Variants in OGA observed in about 807,000 individuals in gnomAD.
The protein encoded by OGA is O-GlcNAcase.
Under a neutral mutation model 102.0 loss-of-function variants are expected in OGA, and 21 were observed. The observed-to-expected ratio is 0.21, with a 90% CI of 0.15 to 0.30. OGA has a LOEUF of 0.30. OGA is among the 10% of genes least tolerant of loss of function. The pLI is 1.00. For synonymous variants in OGA, 408 were observed against 378.2 expected (o/e 1.08, Z -0.91); for missense variants, 765 against 1,107.8 (o/e 0.69, Z 4.39).
rs2065430374 is a variant in OGA at position 101,803,745 on chromosome 10, A to G, written c.1026T>C (p.Asp342=). The G allele has an allele frequency of 6.2e-7, 1 of 1,614,028 alleles. No individual in the cohort carries two copies. The highest frequency in any genetic ancestry group is 8.5e-7 in the Non-Finnish European group (1 of 1,179,868). ...YKSNMNGVRK[D]VVMTDSEDST... ...GTACAGGCTACTTACTCATCACTAC[A>G]TCTTTTCTCACTCCATTCATGTTTG... Residue 342 remains aspartate, a synonymous_variant, in exon 7 of 16, where the codon GAT becomes GAC. Transcript: ENST00000361464.
At chr10:101,793,018 AT>A in intron 11 of OGA, 75 bp from the exon 12 acceptor site, 1 of 1,148,274 alleles carries the variant, frequency 8.7e-7, no homozygotes, top group African/African-American at 1.5e-5. Context: ...TGCACTGCAG[AT>A]TACCAACTTA....
At position 101,791,331 on chromosome 10, in the gene OGA, A is replaced by G. The variant is rs371392665; in HGVS notation, c.2261+23T>C. ...GCCTCACTATGAAAGGTCTACTCTC[A>G]AATCCAAATACTTATCACATACTTG... On this transcript the variant is annotated intron_variant, in intron 13 of 15. Coordinates refer to ENST00000361464, the MANE Select transcript of OGA (RefSeq NM_012215.5). The G allele has an allele frequency of 3.8e-6, 6 of 1,588,764 alleles. No homozygotes were observed. The African/African-American group carries it at 8.1e-5, about 21-fold the overall frequency.
At chr10:101,795,986 AAAC>A (rs1240208471) in intron 10 of OGA, 1 of 671,284 alleles carries the variant, frequency 1.5e-6, no homozygotes, top group Non-Finnish European at 1.8e-6. Context: ...GAAGAGAAAG[AAAC>A]AATACTGTGT....
In OGA at chr10:101,786,439, T is replaced by C. The variant is rs1430114707; in HGVS notation, c.*12A>G. On this transcript the variant is annotated 3_prime_UTR_variant, in exon 16 of 16. Transcript: ENST00000361464. ...TAAGAGACTTTTGGACAGTTCACAG[T>C]GTCAACAAATGTCACAGGCTCCGAC... The C allele has an allele frequency of 1.3e-6, 2 of 1,599,554 alleles. No homozygotes were observed. Among genetic ancestry groups the C allele is most frequent in the Non-Finnish European group, 1.7e-6 (2 of 1,174,418 alleles).
In OGA at chr10:101,786,208, TAACAC is replaced by T; in HGVS notation, c.*238_*242del. 2.9e-6 allele frequency: 1 copy of T among 346,128 alleles called. No homozygotes were observed. Among genetic ancestry groups the T allele is most frequent in the Non-Finnish European group, 5.1e-6 (1 of 194,282 alleles). The allele number at this position is 346,128 out of a possible 1,614,324, so 21.4% of individuals were successfully genotyped here. A position where few individuals can be genotyped will look rare whatever the true frequency, so the allele number is the denominator to read the frequency against. The stretch of plus-strand genomic sequence containing the variant: ...AGCCCATGTAAAAGGTCTCAGCACC[TAACAC>T]AAGACTCAAAAAGGAAGCCCACATC... On this transcript the variant is annotated 3_prime_UTR_variant, in exon 16 of 16. Coordinates refer to ENST00000361464, the MANE Select transcript of OGA (RefSeq NM_012215.5).
chr10:101,798,693 C>T (rs775973326), intron 9 of OGA, 149 bp downstream of exon 9: 4 of 1,023,326 alleles, frequency 3.9e-6, no homozygotes, highest in Non-Finnish European at 5.5e-6. Flanking sequence ...GGACTACAGG[C>T]ATGAGCCATC....
chr10:101,796,127 AGTTTAAATCCCT>A (rs962172948), intron 10 of OGA, among the ~76,000 whole-genome samples: 10 of 152,236 alleles, frequency 6.6e-5, no homozygotes, highest in Non-Finnish European at 1.5e-5. Context: ...TAGAAACTTA[AGTTTAAATCCCT>A]ATAAGAATGA....
At position 101,799,118 on chromosome 10, in the gene OGA, G is replaced by C; in HGVS notation, c.1533C>G (p.Ser511=). 6.2e-7 allele frequency: 1 copy of C among 1,614,158 alleles called. No individual in the cohort carries two copies. The highest frequency in any genetic ancestry group is 8.5e-7 in the Non-Finnish European group (1 of 1,180,026). Residue 511 remains serine, a synonymous_variant, in exon 9 of 16, where the codon TCC becomes TCG. Coordinates refer to ENST00000361464, the MANE Select transcript of OGA (RefSeq NM_012215.5). ...AATCTTCTTGCATGGACATCTCTGG[G>C]GATTTTGATTCAGCTATGCTCTCTT... The part of the protein sequence containing the change: ...TDKESIAESK[S]PEMSMQEDCI...
chr10:101,787,014 T>C (rs1011205079), intron 15 of OGA, among the ~76,000 whole-genome samples: 8 of 150,990 alleles, frequency 5.3e-5, no homozygotes, highest in Non-Finnish European at 7.4e-5. Context: ...CCCAAAGTGC[T>C]GCGTGAGCCA....
Position 101,813,952 on chromosome 10 carries a change from A to T in OGA, c.200-346T>A, listed in dbSNP as rs534533220. Reference sequence around the variant, plus strand: ...CAATTTTTTAAGAGATCTCAATCTTATAATGGGGAACGGCAGCAATGTAAT... The same window carrying T: ...CAATTTTTTAAGAGATCTCAATCTTTTAATGGGGAACGGCAGCAATGTAAT... On this transcript the variant is annotated intron_variant, in intron 1 of 15. Coordinates refer to ENST00000361464, the MANE Select transcript of OGA (RefSeq NM_012215.5). 1.1e-3 allele frequency among the ~76,000 whole-genome samples: 172 copies of T among 152,328 alleles called. 1 individual carries two copies. Among genetic ancestry groups the T allele is most frequent in the South Asian group, 6.2e-4 (3 of 4,828 alleles).
At chr10:101,813,408 A>G in intron 2 of OGA, 147 bp downstream of exon 2, 1 of 599,214 alleles carries the variant, frequency 1.7e-6, no homozygotes, top group Non-Finnish European at 2.9e-6. Context: ...GCCTAGGTGA[A>G]GAAAAAAGGG....
At chr10:101,812,385 G>T (rs2065570253) in intron 3 of OGA, among the ~76,000 whole-genome samples, 1 of 151,992 alleles carries the variant, frequency 6.6e-6, no homozygotes, top group Non-Finnish European at 1.5e-5. Flanking sequence ...TCCAGCCTGG[G>T]GGACAGAGCA....
In OGA at chr10:101,799,169, C is replaced by T; in HGVS notation, c.1482G>A (p.Glu494=). 6.2e-7 allele frequency: 1 copy of T among 1,614,164 alleles called. No homozygotes were observed. Among genetic ancestry groups the T allele is most frequent in the Non-Finnish European group, 8.5e-7 (1 of 1,180,016 alleles). Residue 494 remains glutamate, a synonymous_variant, in exon 9 of 16, where the codon GAG becomes GAA. Transcript: ENST00000361464. ...TATCAGTGTCCATTGGTTTCAATTC[C>T]TCTGCCATTTTCGCTTCAACAATTT... ...LSEIVEAKMA[E]ELKPMDTDKE...
chr10:101,805,604 G>A (rs2065458970), intron 6 of OGA, among the ~76,000 whole-genome samples: 1 of 146,070 alleles, frequency 6.8e-6, no homozygotes, highest in African/African-American at 2.5e-5. Context: ...GCAGGGAGCT[G>A]AGATTGTGCC....
chr10:101,798,290 C>T (rs2065342702), intron 9 of OGA, 136 bp from the exon 10 acceptor site: 2 of 778,218 alleles, frequency 2.6e-6, no homozygotes, highest in African/African-American at 3.5e-5. Flanking sequence ...TTTTGTGTCT[C>T]CCCAAACTGA....
intron 11 of OGA, among the ~76,000 whole-genome samples, chr10:101,793,403 T>C (rs1267250590): frequency 1.3e-5 from 2 of 152,162 alleles, no homozygotes; most frequent in Non-Finnish European, 2.9e-5. Flanking sequence ...GAGCACCTGT[T>C]GGGGGGAGAA....
At position 101,798,038 on chromosome 10, in the gene OGA, G is replaced by C; in HGVS notation, c.1926C>G (p.Ser642=). 2.5e-6 allele frequency: 4 copies of C among 1,613,930 alleles called. No individual in the cohort carries two copies. Among genetic ancestry groups the C allele is most frequent in the Non-Finnish European group, 3.4e-6 (4 of 1,179,866 alleles). ...TTATACTCTTGATATCCCAAACATAGGAGTACATGTCATAAAGAATTGTCC... is the reference window on the plus strand; with the variant it reads ...TTATACTCTTGATATCCCAAACATACGAGTACATGTCATAAAGAATTGTCC... ...ANRTILYDMY[S]YVWDIKSIMS... Residue 642 remains serine (S), a synonymous_variant, in exon 10 of 16, where the codon TCC becomes TCG. Transcript: ENST00000361464.
Position 101,799,398 on chromosome 10 carries a change from A to G in OGA, c.1253T>C (p.Val418Ala), listed in dbSNP as rs1047689844. ...TGTGGCATTTAAAGAGGGTGCTGCA[A>G]CTAAAGGAGTCCCATCAACTACACT... ...KASVVDGTPLVAAPSLNATTV... is the reference protein window; with the variant it reads ...KASVVDGTPLAAAPSLNATTV... The change falls in exon 9 of 16, where the codon GTT (valine) becomes GCT (alanine). Residue 418 changes from valine (V) to alanine (A), a missense_variant. This residue lies in a region of OGA where 281 missense variants were observed against 345.8 expected (regional missense o/e 0.81). Transcript: ENST00000361464. The G allele has an allele frequency of 1.2e-6, 2 of 1,614,048 alleles. No homozygotes were observed. Among genetic ancestry groups the G allele is most frequent in the Non-Finnish European group, 1.7e-6 (2 of 1,179,994 alleles).
chr10:101,800,953 T>C (rs1471991295), intron 7 of OGA, among the ~76,000 whole-genome samples: 1 of 151,976 alleles, frequency 6.6e-6, no homozygotes, highest in Non-Finnish European at 1.5e-5. Flanking sequence ...TTTTCTATTA[T>C]TCGTGAAGAT....
Sources: allele counts gnomAD v4.1 joint callset (sites outside exome capture counted in the v4.1 genomes callset), GRCh38; gene constraint gnomAD v4.1.1; regional missense constraint gnomAD v4.1.1; transcripts MANE v1.5; gene names NCBI Gene and HGNC (gene_info 2026-07-23, HGNC 2026-07-21).